ANKS1B: variants seen among roughly 807,000 people sequenced by gnomAD.
ANKS1B encodes ankyrin repeat and sterile alpha motif domain-containing protein 1B.
A neutral mutation model predicts 148.3 loss-of-function variants in ANKS1B; 36 were observed. That is an observed-to-expected ratio of 0.24 (90% CI 0.19 to 0.32). The LOEUF (loss-of-function observed/expected upper bound fraction) is 0.32, where lower values mean the gene tolerates loss of function less well. Ranked by LOEUF, ANKS1B falls within the 10% of genes least tolerant of loss-of-function variation. ANKS1B has a pLI of 1.00. For missense variants in ANKS1B, 1,157 were observed against 1,542.6 expected, an observed-to-expected ratio of 0.75 and a Z score of 4.19; for synonymous variants, 542 against 560.8, an observed-to-expected ratio of 0.97 and a Z score of 0.47.
At chr12:99,087,326 G>T (rs2052251038) in intron 15 of ANKS1B, among the ~76,000 whole-genome samples, 1 of 152,082 alleles carries the variant, frequency 6.6e-6, no homozygotes, top group Non-Finnish European at 1.5e-5. Flanking sequence ...GATTTAAAAC[G>T]GGCATTCACT....
rs923438669 is a variant in ANKS1B at position 99,984,818 on chromosome 12, G to T, written c.-581C>A. ...TGGCCCGCGCCGAGGCAGGGCGGTG[G>T]GGGGCAGCCGCAGCGGGCGCGTGCC... On this transcript the variant is annotated 5_prime_UTR_variant, in exon 1 of 27. Coordinates refer to ENST00000683438, the MANE Select transcript of ANKS1B (RefSeq NM_001352186.2). Among the ~76,000 whole-genome samples, 204 of 146,458 alleles carry T rather than the reference G, an allele frequency of 1.4e-3. No individual in the cohort carries two copies. The highest frequency in any genetic ancestry group is 2.2e-3 in the Non-Finnish European group (142 of 65,842).
At chr12:99,333,856 T>TTTTTTTTTTTTTTTG in intron 12 of ANKS1B, among the ~76,000 whole-genome samples, 1 of 135,320 alleles carries the variant, frequency 7.4e-6, no homozygotes, top group Non-Finnish European at 1.5e-5. Flanking sequence ...AGTTCTCAGT[T>TTTTTTTTTTTTTTTG]TTTTTTTTTT....
At chr12:99,489,804 T>C (rs980267778) in intron 10 of ANKS1B, among the ~76,000 whole-genome samples, 2 of 152,208 alleles carry the variant, frequency 1.3e-5, no homozygotes, top group African/African-American at 2.4e-5. Flanking sequence ...ATTGCCTTTA[T>C]GCACAGGTGA....
rs757425426 is a variant in ANKS1B at position 99,244,373 on chromosome 12, G to A, written c.2388C>T (p.Asn796=). ...IMSSIDVGIN[N]ELKEMNGETT... is the part of the protein sequence containing the mutation. ...TCTCACCATTCATCTCTTTAAGTTC[G>A]TTGTTGATTCCAACATCTATGGAAC... The change falls in exon 14 of 27, where the codon AAC becomes AAT. Residue 796 remains asparagine (N), a synonymous_variant. Coordinates refer to ENST00000683438, the MANE Select transcript of ANKS1B (RefSeq NM_001352186.2). 39 of 1,606,028 alleles carry A rather than the reference G, an allele frequency of 2.4e-5. No individual in the cohort carries two copies. Among genetic ancestry groups the A allele is most frequent in the Middle Eastern group, 1.6e-4 (1 of 6,062 alleles).
chr12:99,718,448 C>T (rs751403072), intron 8 of ANKS1B, among the ~76,000 whole-genome samples: 1 of 152,160 alleles, frequency 6.6e-6, no homozygotes, highest in Non-Finnish European at 1.5e-5. Context: ...CTCACCATCT[C>T]ACTAAAACCT....
intron 17 of ANKS1B, among the ~76,000 whole-genome samples, chr12:98,856,204 TTTTATGATGTATA>T (rs2099570626): frequency 6.6e-6 from 1 of 152,238 alleles, no homozygotes; most frequent in Non-Finnish European, 1.5e-5. Context: ...ATAATTTGCA[TTTTATGATGTATA>T]TACAGTGTAG....
intron 12 of ANKS1B, among the ~76,000 whole-genome samples, chr12:99,332,540 G>A (rs1158192090): frequency 6.6e-6 from 1 of 151,834 alleles, no homozygotes; most frequent in Non-Finnish European, 1.5e-5. Flanking sequence ...TTAGGAAATA[G>A]TTAATGCAAA....
intron 11 of ANKS1B, among the ~76,000 whole-genome samples, chr12:99,430,718 C>G (rs2095355457): frequency 6.6e-6 from 1 of 152,154 alleles, no homozygotes; most frequent in Admixed American, 6.5e-5. Context: ...TCTTCAGAGA[C>G]ATAATAAATA....
rs866244804 is a variant in ANKS1B, at chr12:99,246,862, C to A, written c.1759G>T (p.Asp587Tyr). ...TCATTGTCATCCTGTCGGGAGAGGTCATCTGCAAAAGGAAGGAAGGGATAT... is the reference window on the plus strand; with the variant it reads ...TCATTGTCATCCTGTCGGGAGAGGTAATCTGCAAAAGGAAGGAAGGGATAT... ...VKNEGTNHTDDLSRQDDNDPP... is the reference protein window; with the variant it reads ...VKNEGTNHTDYLSRQDDNDPP... Residue 587 changes from aspartate to tyrosine, a missense_variant and splice_region_variant, in exon 13 of 27, where the codon GAC becomes TAC. Around this residue, in one of 6 missense-constraint regions of ANKS1B, gnomAD observed 661 missense variants for 642.1 expected, o/e 1.03. Transcript: ENST00000683438. 1.3e-6 allele frequency: 2 copies of A among 1,573,436 alleles called. No individual in the cohort carries two copies. The highest frequency in any genetic ancestry group is 1.7e-6 in the Non-Finnish European group (2 of 1,167,808).
At chr12:99,188,148 T>G (rs1432307235) in intron 14 of ANKS1B, among the ~76,000 whole-genome samples, 2 of 152,156 alleles carry the variant, frequency 1.3e-5, no homozygotes, top group East Asian at 3.8e-4. Flanking sequence ...GAGCTAACTA[T>G]TCTAAATATA....
chr12:99,097,992 G>A (rs1190309323), intron 15 of ANKS1B, among the ~76,000 whole-genome samples: 1 of 152,166 alleles, frequency 6.6e-6, no homozygotes, highest in Admixed American at 6.5e-5. Context: ...GGAGCAAGGA[G>A]ACCTGGGCTT....
At chr12:99,314,387 C>T (rs932715062) in intron 12 of ANKS1B, among the ~76,000 whole-genome samples, 10 of 152,046 alleles carry the variant, frequency 6.6e-5, no homozygotes, top group South Asian at 6.2e-4. Context: ...AAACTAACAT[C>T]GACATTCTTC....
At chr12:99,384,119 A>C (rs2093761683) in intron 12 of ANKS1B, among the ~76,000 whole-genome samples, 1 of 152,136 alleles carries the variant, frequency 6.6e-6, no homozygotes, top group Non-Finnish European at 1.5e-5. Flanking sequence ...TTTGCTCCCC[A>C]CTGTATTATC....
rs75451454 is a variant in ANKS1B at position 99,040,050 on chromosome 12, C to T, written c.2778+13107G>A. 1.2e-4 allele frequency among the ~76,000 whole-genome samples: 19 copies of T among 152,076 alleles called. No individual in the cohort carries two copies. In the South Asian group the frequency reaches 2.5e-3, roughly 20 times the overall value. On this transcript the variant is annotated intron_variant, in intron 17 of 26. Transcript: ENST00000683438. ...TGTTTCTCTATTTTTGGGGGGACTG[C>T]GGGAAAAAGGATGCCACCTGGGGTC...
intron 15 of ANKS1B, among the ~76,000 whole-genome samples, chr12:99,092,643 C>T (rs990994674): frequency 5.3e-5 from 8 of 152,212 alleles, no homozygotes; most frequent in South Asian, 4.1e-4. Flanking sequence ...GGGAACATGG[C>T]GCCCTTGTAC....
At chr12:99,775,312 T>A (rs1389294824) in intron 7 of ANKS1B, among the ~76,000 whole-genome samples, 1 of 151,732 alleles carries the variant, frequency 6.6e-6, no homozygotes, top group Non-Finnish European at 1.5e-5. Flanking sequence ...AAAAACACAT[T>A]TAAGAAAAAA....
In ANKS1B at chr12:98,744,794, GA is replaced by G; in HGVS notation, c.*944del. 1.2e-6 allele frequency: 1 copy of G among 859,522 alleles called. No homozygotes were observed. The highest frequency in any genetic ancestry group is 1.4e-6 in the Non-Finnish European group (1 of 718,140). The allele number at this position is 859,522 out of a possible 1,614,324, so 53.2% of individuals were successfully genotyped here. On this transcript the variant is annotated 3_prime_UTR_variant, in exon 27 of 27. Transcript: ENST00000683438. ...AGAAATCTTGACAGCAGGAGCACTA[GA>G]TTTTTTTTTTTTTAACATGTTCTTT...
chr12:99,457,725 AT>A (rs1426179958), intron 10 of ANKS1B, among the ~76,000 whole-genome samples: 2 of 152,166 alleles, frequency 1.3e-5, no homozygotes, highest in African/African-American at 4.8e-5. Flanking sequence ...ATAGGAAAAC[AT>A]CACAAACCTA....
chr12:99,560,674 T>C (rs1054818839), intron 9 of ANKS1B, among the ~76,000 whole-genome samples: 9 of 152,152 alleles, frequency 5.9e-5, no homozygotes, highest in Admixed American at 2.0e-4. Flanking sequence ...GTACATACCT[T>C]AATTTAAAAA....
Sources: gnomAD v4.1 joint callset for allele counts (sites outside exome capture counted in the v4.1 genomes callset) on GRCh38, gnomAD v4.1.1 for gene constraint, gnomAD v4.1.1 regional missense constraint, MANE v1.5 for transcripts, NCBI Gene and HGNC (gene_info 2026-07-23, HGNC 2026-07-21) for gene names.